Variants in TMED3 observed in about 807,000 individuals in gnomAD.
TMED3 encodes the protein transmembrane emp24 domain-containing protein 3.
A neutral mutation model predicts 15.0 loss-of-function variants in TMED3; 9 were observed. The ratio of observed to expected loss-of-function variants is 0.60; its 90% CI spans 0.36 to 1.04. TMED3 has a LOEUF of 1.04. Among genes scored for constraint, TMED3 ranks in the 50% least tolerant of loss-of-function variants. The probability of loss-of-function intolerance (pLI) is 0.01; values close to 1 mark genes in which losing one functional copy is unlikely to be tolerated. For missense variants in TMED3, 267 were observed against 278.9 expected, an observed-to-expected ratio of 0.96 and a Z score of 0.30; for synonymous variants, 117 against 121.4, an observed-to-expected ratio of 0.96 and a Z score of 0.24.
intron 2 of TMED3, among the ~76,000 whole-genome samples, chr15:79,406,852 G>A (rs533035383): frequency 4.6e-5 from 7 of 152,226 alleles, no homozygotes; most frequent in Admixed American, 2.6e-4. Flanking sequence ...CATCTTTCTC[G>A]TCTCTGACCA....
intron 2 of TMED3, among the ~76,000 whole-genome samples, chr15:79,393,111 T>G (rs763968602): frequency 5.9e-5 from 9 of 152,246 alleles, no homozygotes; most frequent in Admixed American, 2.6e-4. Context: ...TTCTTTATTC[T>G]TTGATCCTTT....
At chr15:79,365,426 A>G (rs1052704429) in intron 2 of TMED3, among the ~76,000 whole-genome samples, 1 of 152,256 alleles carries the variant, frequency 6.6e-6, no homozygotes, top group African/African-American at 2.4e-5. Context: ...GACAGGTCTC[A>G]ATTAATTCAA....
intron 2 of TMED3, among the ~76,000 whole-genome samples, chr15:79,346,245 T>C (rs1023894560): frequency 3.3e-5 from 5 of 152,194 alleles, no homozygotes; most frequent in African/African-American, 7.2e-5. Context: ...TCCAGAATGG[T>C]ATTGCCTAGG....
At chr15:79,384,857 A>G (rs1157416173) in intron 2 of TMED3, 1 of 152,224 alleles carries the variant, frequency 6.6e-6, no homozygotes, top group Non-Finnish European at 1.5e-5. Context: ...CCTCATCTGT[A>G]TAAGAAATGA....
chr15:79,403,794 G>A (rs904358264), intron 2 of TMED3, among the ~76,000 whole-genome samples: 2 of 152,188 alleles, frequency 1.3e-5, no homozygotes, highest in Non-Finnish European at 2.9e-5. Context: ...GAGGCAGGAA[G>A]CACATATTTT....
chr15:79,363,503 CAAAAA>C (rs10676974), intron 2 of TMED3, among the ~76,000 whole-genome samples: 157 of 125,320 alleles, frequency 1.3e-3, no homozygotes, highest in African/African-American at 4.1e-3. Flanking sequence ...TACAATGACT[CAAAAA>C]AAAAAAAAAA....
chr15:79,318,504 A>C (rs916443293), intron 2 of TMED3, among the ~76,000 whole-genome samples: 3 of 152,296 alleles, frequency 2.0e-5, no homozygotes, highest in African/African-American at 7.2e-5. Context: ...CCCACCTTCA[A>C]TCCTTTGTGA....
intron 2 of TMED3, among the ~76,000 whole-genome samples, chr15:79,340,202 C>A (rs997679977): frequency 1.3e-5 from 2 of 152,148 alleles, no homozygotes; most frequent in African/African-American, 4.8e-5. Flanking sequence ...CACAAGAGGA[C>A]AGTAGAGAAA....
intron 2 of TMED3, among the ~76,000 whole-genome samples, chr15:79,331,891 C>CA (rs1595890792): frequency 6.6e-6 from 1 of 151,984 alleles, no homozygotes; most frequent in East Asian, 1.9e-4. Flanking sequence ...TTGAAAAAGA[C>CA]AAAAAATAAC....
At position 79,369,057 on chromosome 15, in the gene TMED3, G is replaced by T. The variant is rs1251705761; in HGVS notation, c.418-42343G>T. 5.4e-5 allele frequency among the ~76,000 whole-genome samples: 8 copies of T among 149,224 alleles called. No individual in the cohort carries two copies. The East Asian group carries it at 1.4e-3, about 26-fold the overall frequency. On this transcript the variant is annotated intron_variant, in intron 2 of 2. Coordinates refer to the TMED3 transcript ENST00000424155. The stretch of plus-strand genomic sequence containing the variant: ...TGCAGTGAGCCGAGATCGCACCACT[G>T]TACTCCAGCCTGGGTGGCAGAGTGA...
At chr15:79,326,405 G>A (rs1376662044), downstream of TMED3, among the ~76,000 whole-genome samples, 2 of 152,124 alleles carry the variant, frequency 1.3e-5, no homozygotes, top group African/African-American at 2.4e-5. Context: ...CCTGGGGAGC[G>A]GCACTGATTT....
chr15:79,398,165 T>A (rs1277101679), intron 2 of TMED3, among the ~76,000 whole-genome samples: 1 of 152,122 alleles, frequency 6.6e-6, no homozygotes, highest in East Asian at 1.9e-4. Context: ...ATCCAACCCC[T>A]GGCAACCACT....
chr15:79,353,466 T>TG (rs146186431), intron 2 of TMED3, among the ~76,000 whole-genome samples: 1 of 134,702 alleles, frequency 7.4e-6, no homozygotes, highest in Non-Finnish European at 1.6e-5. Context: ...GAAAATTTAA[T>TG]GGGGGAAAAA....
intron 2 of TMED3, among the ~76,000 whole-genome samples, chr15:79,407,192 G>A (rs74401693): frequency 4.2e-4 from 64 of 152,242 alleles, no homozygotes; most frequent in African/African-American, 1.5e-3. Flanking sequence ...GAAGGCTATC[G>A]TTGAGTGAAA....
intron 2 of TMED3, among the ~76,000 whole-genome samples, chr15:79,317,268 T>G (rs2141214532): frequency 6.6e-6 from 1 of 152,346 alleles, no homozygotes; most frequent in Admixed American, 6.5e-5. Context: ...AAAGTGATGC[T>G]TCACATAAAT....
At chr15:79,376,217 G>A (rs78627490) in intron 2 of TMED3, among the ~76,000 whole-genome samples, 1,563 of 147,276 alleles carry the variant, frequency 0.011, 25 homozygotes, top group African/African-American at 0.038. Context: ...TCACGCAAGA[G>A]AAAGATTTCT....
At chr15:79,408,130 T>C (rs1002212351) in intron 2 of TMED3, among the ~76,000 whole-genome samples, 9 of 152,220 alleles carry the variant, frequency 5.9e-5, no homozygotes, top group African/African-American at 2.2e-4. Flanking sequence ...ATCCTGACCT[T>C]CCAACCCACA....
At chr15:79,388,853 G>C (rs1472427874) in intron 2 of TMED3, among the ~76,000 whole-genome samples, 1 of 152,064 alleles carries the variant, frequency 6.6e-6, no homozygotes, top group African/African-American at 2.4e-5. Context: ...GTGATGTTAA[G>C]TATTTTTTCT....
chr15:79,407,349 C>T (rs1337870985), intron 2 of TMED3, among the ~76,000 whole-genome samples: 1 of 152,204 alleles, frequency 6.6e-6, no homozygotes, highest in African/African-American at 2.4e-5. Flanking sequence ...TTTCCCTGCC[C>T]CAAACCTTTG....
Sources: allele counts gnomAD v4.1 joint callset (sites outside exome capture counted in the v4.1 genomes callset), GRCh38; gene constraint gnomAD v4.1.1; transcripts MANE v1.5; gene names NCBI Gene and HGNC (gene_info 2026-07-23, HGNC 2026-07-21).